The following PLEKHA7 variants were observed in gnomAD, a reference collection of about 807,000 sequenced individuals.
The protein encoded by PLEKHA7 is pleckstrin homology domain containing A7, also known as pleckstrin homology domain-containing family A member 7.
Under a neutral mutation model 170.0 loss-of-function variants are expected in PLEKHA7, and 104 were observed. The ratio of observed to expected loss-of-function variants is 0.61; its 90% CI spans 0.52 to 0.72. The LOEUF (loss-of-function observed/expected upper bound fraction) is 0.72. PLEKHA7 is among the 30% of genes least tolerant of loss of function. The probability of loss-of-function intolerance (pLI) is 0.00; values close to 1 mark genes in which losing one functional copy is unlikely to be tolerated. For synonymous variants in PLEKHA7, 648 were observed against 660.8 expected (o/e 0.98, Z 0.30); for missense variants, 1,615 against 1,671.7 (o/e 0.97, Z 0.59).
intron 9 of PLEKHA7, among the ~76,000 whole-genome samples, chr11:16,837,802 C>G (rs1851632021): frequency 6.6e-6 from 1 of 152,130 alleles, no homozygotes; most frequent in Non-Finnish European, 1.5e-5. Flanking sequence ...GAAGAATGAT[C>G]TTCACCAGGA....
At chr11:16,939,649 A>C (rs997424316) in intron 3 of PLEKHA7, among the ~76,000 whole-genome samples, 8 of 152,234 alleles carry the variant, frequency 5.3e-5, no homozygotes, top group African/African-American at 1.7e-4. Flanking sequence ...CTAGTTTTAA[A>C]ACTATGCAGA....
intron 3 of PLEKHA7, among the ~76,000 whole-genome samples, chr11:16,927,761 C>G (rs552431466): frequency 1.3e-5 from 2 of 152,346 alleles, no homozygotes; most frequent in South Asian, 4.1e-4. Flanking sequence ...ATCCAGAATA[C>G]TTCATTGTGG....
intron 3 of PLEKHA7, among the ~76,000 whole-genome samples, chr11:16,892,434 GTTTTGTTT>G (rs1324110839): frequency 1.1e-4 from 12 of 109,024 alleles, no homozygotes; most frequent in Admixed American, 3.6e-4. Flanking sequence ...GTGTGTGTGT[GTTTTGTTT>G]TGTTTTGTTT....
rs1420004461 is a variant in PLEKHA7, at chr11:16,957,689, A to ATATTTTTTTTTTTTTTTTTTTTT, written c.221+56299_221+56300insAAAAAAAAAAAAAAAAAAAAATA. On this transcript the variant is annotated intron_variant, in intron 3 of 26. Transcript: ENST00000531066. ...ATATTACATGAATTTTACCTCAATA[A>ATATTTTTTTTTTTTTTTTTTTTT]TTTTTTTCTTTTTTTTTTTTTTTTT... 2.5e-5 allele frequency among the ~76,000 whole-genome samples: 3 copies of ATATTTTTTTTTTTTTTTTTTTTT among 118,226 alleles called. 1 individual carries two copies. Among genetic ancestry groups the ATATTTTTTTTTTTTTTTTTTTTT allele is most frequent in the Non-Finnish European group, 1.8e-5 (1 of 56,582 alleles). The allele number at this position is 118,226 out of a possible 152,430, so 77.6% of individuals were successfully genotyped here. A position where few individuals can be genotyped will look rare whatever the true frequency, so the allele number is the denominator to read the frequency against.
intron 3 of PLEKHA7, among the ~76,000 whole-genome samples, chr11:16,880,279 C>A (rs1855611766): frequency 6.6e-6 from 1 of 152,196 alleles, no homozygotes; most frequent in African/African-American, 2.4e-5. Context: ...CAGAGCCACA[C>A]AAACTGGAAT....
At chr11:16,812,884 C>T (rs1156576413) in intron 13 of PLEKHA7, among the ~76,000 whole-genome samples, 2 of 152,218 alleles carry the variant, frequency 1.3e-5, no homozygotes, top group East Asian at 3.8e-4. Context: ...CTCAAGCCCT[C>T]ATTCTGTAAG....
intron 3 of PLEKHA7, among the ~76,000 whole-genome samples, chr11:16,994,227 G>A (rs1418332234): frequency 6.6e-6 from 1 of 152,220 alleles, no homozygotes; most frequent in East Asian, 1.9e-4. Flanking sequence ...GGAGGGCCAA[G>A]GTGTGGCAAG....
chr11:16,791,301 C>T lies in PLEKHA7; in HGVS notation c.2746-102G>A. 1.8e-6 allele frequency: 2 copies of T among 1,129,110 alleles called. No individual in the cohort carries two copies. The highest frequency in any genetic ancestry group is 2.5e-6 in the Non-Finnish European group (2 of 802,746). 69.9% of individuals were successfully genotyped at this position (1,129,110 alleles called of 1,614,324 possible). ...AGGTTTAAAGGGTAGGAACAGGCCACATCAGAGCCACAGAACATGACTGCC... is the reference window on the plus strand; with the variant it reads ...AGGTTTAAAGGGTAGGAACAGGCCATATCAGAGCCACAGAACATGACTGCC... On this transcript the variant is annotated intron_variant, in intron 19 of 26. Transcript: ENST00000531066. The surrounding 1 kb of genome is among the most constrained non-coding windows in gnomAD (Gnocchi z 4.5).
intron 3 of PLEKHA7, among the ~76,000 whole-genome samples, chr11:16,943,324 C>T (rs1860812689): frequency 6.6e-6 from 1 of 151,932 alleles, no homozygotes; most frequent in Admixed American, 6.6e-5. Flanking sequence ...CACATCTTAA[C>T]CCAGACTAGC....
chr11:16,795,107 C>T (rs925930942), intron 17 of PLEKHA7, 89 bp from the exon 18 acceptor site: 39 of 939,868 alleles, frequency 4.1e-5, no homozygotes, highest in Middle Eastern at 4.6e-4. Context: ...CAGAGCCCCC[C>T]GCCCTGAGGG....
chr11:16,808,648 G>T (rs1849151881), intron 13 of PLEKHA7, among the ~76,000 whole-genome samples: 1 of 152,140 alleles, frequency 6.6e-6, no homozygotes, highest in African/African-American at 2.4e-5. Flanking sequence ...CCTTTTTGGG[G>T]CTGACTGCAA....
intron 3 of PLEKHA7, among the ~76,000 whole-genome samples, chr11:16,922,716 AC>A: frequency 6.6e-6 from 1 of 152,094 alleles, no homozygotes; most frequent in Non-Finnish European, 1.5e-5. Flanking sequence ...TTCTCCTGCC[AC>A]CCATCCCAGG....
rs1375632709 is a variant in PLEKHA7 at position 16,906,312 on chromosome 11, CCTCTCCCTCCTCTCA to C, written c.222-35145_222-35131del. On this transcript the variant is annotated intron_variant, in intron 3 of 26. Transcript: ENST00000531066. ...GAAAATTGGAAAGGCTCCTCCTCTC[CCTCTCCCTCCTCTCA>C]CTCTCCCTCTCCCTCTCTTTCCACG... is the stretch of plus-strand genomic sequence containing the variant. Among the ~76,000 whole-genome samples the C allele has an allele frequency of 4.9e-3, 668 of 135,710 alleles. 39 individuals are homozygous for C. The highest frequency in any genetic ancestry group is 7.7e-3 in the Non-Finnish European group (483 of 62,736). 89.0% of individuals were successfully genotyped at this position (135,710 alleles called of 152,430 possible).
chr11:16,879,117 C>T (rs558697788), intron 3 of PLEKHA7, among the ~76,000 whole-genome samples: 6 of 152,238 alleles, frequency 3.9e-5, no homozygotes, highest in South Asian at 2.1e-4. Context: ...ATCTCCTTTG[C>T]GTGAACTGGG....
At position 16,791,174 on chromosome 11, in the gene PLEKHA7, G is replaced by T; in HGVS notation, c.2771C>A (p.Pro924Gln). 6.2e-7 allele frequency: 1 copy of T among 1,605,158 alleles called. No homozygotes were observed. The highest frequency in any genetic ancestry group is 1.7e-4 in the Middle Eastern group (1 of 6,002). Residue 924 changes from proline to glutamine, a missense_variant, in exon 20 of 27, where the codon CCA (proline) becomes CAA (glutamine). By Grantham distance (76) the Pro-to-Gln change is moderately conservative (BLOSUM62 -1). Coordinates refer to ENST00000531066, the MANE Select transcript of PLEKHA7 (RefSeq NM_001329630.2). This position sits in a 1 kb window ranked among gnomAD's most constrained non-coding sequence, Gnocchi z 4.5. The part of the protein sequence containing the change: ...KVEDEAPPRP[P>Q]LPELYSPEDQ... ...CTCTGGGCTGTAGAGTTCGGGGAGT[G>T]GGGGCCTGGGAGGTGCTTCATCTTC... is the stretch of plus-strand genomic sequence containing the variant.
chr11:16,969,007 T>C (rs1862551695), intron 3 of PLEKHA7, among the ~76,000 whole-genome samples: 1 of 152,348 alleles, frequency 6.6e-6, no homozygotes, highest in East Asian at 1.9e-4. Context: ...TCCTTCCTGG[T>C]GACCTTTAAT....
intron 17 of PLEKHA7, among the ~76,000 whole-genome samples, chr11:16,799,657 A>G (rs1175333791): frequency 6.6e-6 from 1 of 152,256 alleles, no homozygotes; most frequent in Non-Finnish European, 1.5e-5. Flanking sequence ...ATAACCAGAA[A>G]TAATTGAAGG....
At chr11:16,978,901 C>T (rs1203733100) in intron 3 of PLEKHA7, among the ~76,000 whole-genome samples, 1 of 152,138 alleles carries the variant, frequency 6.6e-6, no homozygotes. Flanking sequence ...CCCTTGTCTC[C>T]CACGCCCACA....
chr11:16,957,672 T>C (rs1434914912), intron 3 of PLEKHA7, among the ~76,000 whole-genome samples: 1 of 151,014 alleles, frequency 6.6e-6, no homozygotes, highest in African/African-American at 2.4e-5. Context: ...TTATATTACA[T>C]GAATTTTACC....
Sources: gnomAD v4.1 joint callset for allele counts (sites outside exome capture counted in the v4.1 genomes callset) on GRCh38, gnomAD v4.1.1 for gene constraint, Gnocchi (gnomAD v3.1) non-coding constraint, MANE v1.5 for transcripts, NCBI Gene and HGNC (gene_info 2026-07-23, HGNC 2026-07-21) for gene names.